The following HYDIN variants were observed in gnomAD, a reference collection of about 807,000 sequenced individuals.
HYDIN encodes axonemal central pair apparatus protein HYDIN.
Under a neutral mutation model 403.9 loss-of-function variants are expected in HYDIN, and 132 were observed. The ratio of observed to expected loss-of-function variants is 0.33; its 90% confidence interval spans 0.28 to 0.38. The LOEUF (loss-of-function observed/expected upper bound fraction) is 0.38, where lower values mean the gene tolerates loss of function less well. HYDIN is among the 10% of genes least tolerant of loss of function. The pLI is 1.00. For synonymous variants in HYDIN, 1,202 were observed against 1,891.7 expected (o/e 0.64, Z 9.46); for missense variants, 2,827 against 5,009.5 (o/e 0.56, Z 13.15).
rs1460166619 is a variant in HYDIN, at chr16:71,230,686, A to T, written c.-148T>A. The stretch of plus-strand genomic sequence containing the variant: ...CAGCTTGAAGCCGCCCGCACTCTCC[A>T]TGCGCCGCCCGAGCTGTTGCCGTCC... On this transcript the variant is annotated 5_prime_UTR_variant, in exon 1 of 86. It removes an upstream start codon present in the reference 5' UTR. Transcript: ENST00000393567. The T allele has an allele frequency of 6.5e-7, 1 of 1,535,934 alleles. No individual in the cohort carries two copies. Among genetic ancestry groups the T allele is most frequent in the South Asian group, 1.2e-5 (1 of 84,044 alleles).
chr16:71,011,835 C>T (rs1039951889), intron 23 of HYDIN, among the ~76,000 whole-genome samples: 3 of 151,244 alleles, frequency 2.0e-5, no homozygotes, highest in African/African-American at 7.3e-5. Context: ...GCCTTCCACC[C>T]TCCTCTTCCA....
Position 70,829,820 on chromosome 16 carries a change from A to G in HYDIN, c.13910T>C (p.Phe4637Ser), listed in dbSNP as rs1490924735. 1.9e-6 allele frequency: 3 copies of G among 1,613,976 alleles called. No individual in the cohort carries two copies. In the Admixed American group the frequency reaches 5.0e-5, roughly 27 times the overall value. ...GTGCTTGGAGCGCACCTGGCACGTG[A>G]AATTCACTACCTGGAAGAAAGCAGG... ...GPPAVKEVVNFTCQVRSKHTQ... is the reference protein window; with the variant it reads ...GPPAVKEVVNSTCQVRSKHTQ... The change falls in exon 81 of 86, where the codon TTC (phenylalanine) becomes TCC (serine). Residue 4637 changes from phenylalanine to serine, a missense_variant. Transcript: ENST00000393567.
rs756929967 is a variant in HYDIN at position 71,230,673 on chromosome 16, G to C, written c.-135C>G. 3 of 1,535,872 alleles carry C rather than the reference G, an allele frequency of 2.0e-6. No homozygotes were observed. The highest frequency in any genetic ancestry group is 2.7e-5 in the African/African-American group (2 of 73,028). ...GGGGCTCCATACCCAGCTTGAAGCCGCCCGCACTCTCCATGCGCCGCCCGA... is the reference window on the plus strand; with the variant it reads ...GGGGCTCCATACCCAGCTTGAAGCCCCCCGCACTCTCCATGCGCCGCCCGA... On this transcript the variant is annotated 5_prime_UTR_variant, in exon 1 of 86. Transcript: ENST00000393567.
chr16:71,175,886 T>C, intron 4 of HYDIN, 145 bp from the exon 5 acceptor site: 2 of 756,336 alleles, frequency 2.6e-6, no homozygotes, highest in Non-Finnish European at 4.7e-6. Flanking sequence ...GAGATGATAG[T>C]ACTTATCTTT....
intron 1 of HYDIN, among the ~76,000 whole-genome samples, chr16:71,191,408 C>A (rs529422189): frequency 6.6e-6 from 1 of 151,990 alleles, no homozygotes; most frequent in African/African-American, 2.4e-5. Flanking sequence ...AAAAAATGCG[C>A]GTGTTTGCGT....
rs1370078192 is a variant in HYDIN at position 71,031,906 on chromosome 16, T to A, written c.2541A>T (p.Lys847Asn). The A allele has an allele frequency of 1.3e-6, 2 of 1,487,742 alleles. No individual in the cohort carries two copies. Among genetic ancestry groups the A allele is most frequent in the Non-Finnish European group, 9.2e-7 (1 of 1,087,866 alleles). The allele number at this position is 1,487,742 out of a possible 1,614,324, so 92.2% of individuals were successfully genotyped here. Residue 847 changes from lysine (K) to asparagine (N), a missense_variant, in exon 19 of 86, where the codon AAA becomes AAT. Lys to Asn is a moderately conservative substitution (Grantham distance 94). Transcript: ENST00000393567. Reference sequence around the variant, plus strand: ...CATTGGGTTCAATCGTCCAAAGGGATTTTTTGTGTGCCTGCAACACAAGAG... The same window carrying A: ...CATTGGGTTCAATCGTCCAAAGGGAATTTTTGTGTGCCTGCAACACAAGAG... ...AFFQAHMAHK[K>N]SLWTIEPNEG...
At position 70,879,462 on chromosome 16, in the gene HYDIN, G is replaced by A. The variant is rs546026088; in HGVS notation, c.10392C>T (p.Leu3464=). Residue 3464 remains leucine, a synonymous_variant, in exon 62 of 86, where the codon CTC becomes CTT. Coordinates refer to ENST00000393567, the MANE Select transcript of HYDIN (RefSeq NM_001270974.2). ...TCCCCTCACCAGCGATGTCAAACAC[G>A]AGGCCTCGGCTCTTGGCCAGGGTGC... The part of the protein sequence containing the change: ...LPSTLAKSRG[L]VFDIAGEGNL... 51 of 1,613,366 alleles carry A rather than the reference G, an allele frequency of 3.2e-5. No individual in the cohort carries two copies. The African/African-American group carries it at 3.5e-4, about 11-fold the overall frequency.
chr16:70,879,251 TG>T, intron 62 of HYDIN, 45 bp downstream of exon 62: 1 of 1,286,570 alleles, frequency 7.8e-7, no homozygotes, highest in Non-Finnish European at 1.1e-6. Flanking sequence ...GTGTAACTTC[TG>T]GATTCTTCTC....
chr16:70,829,541 G>A (rs532676279), intron 81 of HYDIN, 77 bp downstream of exon 81: 139 of 1,061,916 alleles, frequency 1.3e-4, no homozygotes, highest in Middle Eastern at 3.0e-4. Flanking sequence ...GCCCCAAAGT[G>A]TCTTTTAACC....
At chr16:71,061,927 T>C (rs1040286136) in intron 17 of HYDIN, among the ~76,000 whole-genome samples, 2 of 151,506 alleles carry the variant, frequency 1.3e-5, no homozygotes, top group African/African-American at 4.9e-5. Context: ...AAACTCCTGG[T>C]ATCCTGTTAG....
intron 45 of HYDIN, among the ~76,000 whole-genome samples, chr16:70,925,664 T>G (rs1379165880): frequency 2.0e-5 from 3 of 149,936 alleles, no homozygotes; most frequent in Admixed American, 6.6e-5. Flanking sequence ...ACCATCAGAG[T>G]GAACAGGCAA....
chr16:70,914,014 A>G (rs1471687760), intron 47 of HYDIN, among the ~76,000 whole-genome samples: 1 of 142,996 alleles, frequency 7.0e-6, no homozygotes, highest in Non-Finnish European at 1.6e-5. Context: ...GTGAGACCTT[A>G]TATGTTAGGT....
intron 13 of HYDIN, among the ~76,000 whole-genome samples, chr16:71,074,969 T>A (rs1460200915): frequency 6.7e-6 from 1 of 148,316 alleles, no homozygotes; most frequent in Non-Finnish European, 1.5e-5. Flanking sequence ...ACCCATGTGG[T>A]TTTGAAAACC....
intron 18 of HYDIN, among the ~76,000 whole-genome samples, chr16:71,053,368 C>T (rs1354393419): frequency 2.0e-5 from 3 of 152,212 alleles, no homozygotes; most frequent in East Asian, 1.9e-4. Flanking sequence ...TGCCTATGTA[C>T]ACAAGGAGAC....
intron 10 of HYDIN, among the ~76,000 whole-genome samples, chr16:71,101,974 T>C (rs1244703402): frequency 1.3e-5 from 2 of 152,138 alleles, no homozygotes; most frequent in African/African-American, 2.4e-5. Context: ...GGAATTTTTA[T>C]ATATTCAAAT....
intron 75 of HYDIN, among the ~76,000 whole-genome samples, chr16:70,841,326 T>G (rs2143544782): frequency 6.6e-6 from 1 of 152,220 alleles, no homozygotes; most frequent in Non-Finnish European, 1.5e-5. Context: ...TTGTAACATG[T>G]TACGTTTCTG....
chr16:70,948,699 AT>A lies in HYDIN; in HGVS notation c.6531+3721del, dbSNP rs1281985207. ...AGACATTTATGCAGCCAAAAAACAC[AT>A]GAAAAAATGCTCACCATCACTGGCC... On this transcript the variant is annotated intron_variant, in intron 41 of 85. Transcript: ENST00000393567. Among the ~76,000 whole-genome samples the A allele has an allele frequency of 2.6e-5, 4 of 151,998 alleles. No individual in the cohort carries two copies. The East Asian group carries it at 7.7e-4, about 29-fold the overall frequency.
At chr16:70,832,775 G>C in intron 80 of HYDIN, 73 bp downstream of exon 80, 1 of 1,271,588 alleles carries the variant, frequency 7.9e-7, no homozygotes, top group Non-Finnish European at 1.1e-6. Context: ...CTGCCTGTTT[G>C]AAGGAGGCCT....
chr16:70,897,797 C>T (rs1197939381), intron 53 of HYDIN, among the ~76,000 whole-genome samples: 2 of 152,180 alleles, frequency 1.3e-5, no homozygotes, highest in Admixed American at 1.3e-4. Context: ...CTACGGAGTT[C>T]CACGCTGCTT....
Sources: gnomAD v4.1 joint callset for allele counts (sites outside exome capture counted in the v4.1 genomes callset) on GRCh38, gnomAD v4.1.1 for gene constraint, MANE v1.5 for transcripts, NCBI Gene and HGNC (gene_info 2026-07-23, HGNC 2026-07-21) for gene names.